The following EYA4 variants were observed in gnomAD, a reference collection of about 807,000 sequenced individuals.
EYA4 encodes protein phosphatase EYA4.
EYA4 carries 31 observed loss-of-function variants against 87.9 expected under a neutral mutation model. The ratio of observed to expected loss-of-function variants is 0.35; its 90% CI spans 0.27 to 0.48. The LOEUF is 0.48. Among genes scored for constraint, EYA4 ranks in the 20% least tolerant of loss-of-function variants. The probability of loss-of-function intolerance (pLI) is 0.99; values close to 1 mark genes in which losing one functional copy is unlikely to be tolerated. For synonymous variants in EYA4, 263 were observed against 270.6 expected, an observed-to-expected ratio of 0.97 and a Z score of 0.28; for missense variants, 678 against 761.4, an observed-to-expected ratio of 0.89 and a Z score of 1.29.
chr6:133,499,937 T>C (rs1797963247), intron 13 of EYA4, among the ~76,000 whole-genome samples: 1 of 151,910 alleles, frequency 6.6e-6, no homozygotes, highest in Admixed American at 6.6e-5. Flanking sequence ...CTGATTTTTC[T>C]TAACTATCCC....
At chr6:133,248,508 A>G (rs1428156621) in intron 1 of EYA4, 1 of 152,160 alleles carries the variant, frequency 6.6e-6, no homozygotes, top group African/African-American at 2.4e-5. Flanking sequence ...TATTCATTAC[A>G]TTTCACCTCT....
intron 2 of EYA4, among the ~76,000 whole-genome samples, chr6:133,313,725 C>A (rs1582926633): frequency 6.6e-6 from 1 of 152,054 alleles, no homozygotes; most frequent in East Asian, 1.9e-4. Context: ...TTAATAAATA[C>A]CTGCAGTAAT....
chr6:133,531,332 C>A lies in EYA4; in HGVS notation c.*2527C>A. ...CCATGGGACGTTGAGTATGCACAAA[C>A]TAGAACTCTTCCCTTCCCACCTTAG... On this transcript the variant is annotated 3_prime_UTR_variant, in exon 20 of 20. Transcript: ENST00000355286. 2 of 775,270 alleles carry A rather than the reference C, an allele frequency of 2.6e-6. No individual in the cohort carries two copies. The highest frequency in any genetic ancestry group is 4.2e-6 in the Non-Finnish European group (2 of 473,282). 48.0% of individuals were successfully genotyped at this position (775,270 alleles called of 1,614,324 possible).
chr6:133,453,524 T>A (rs1793643849), intron 5 of EYA4: 1 of 152,084 alleles, frequency 6.6e-6, no homozygotes, highest in Non-Finnish European at 1.5e-5. Flanking sequence ...AGCTTTCTAC[T>A]GCTGAAAAAA....
chr6:133,340,746 A>G (rs1214021400), intron 2 of EYA4, among the ~76,000 whole-genome samples: 1 of 152,188 alleles, frequency 6.6e-6, no homozygotes, highest in Non-Finnish European at 1.5e-5. Flanking sequence ...CTGTGGGCCA[A>G]TAAAGACCTT....
At chr6:133,324,389 G>A (rs950933020) in intron 2 of EYA4, among the ~76,000 whole-genome samples, 10 of 152,098 alleles carry the variant, frequency 6.6e-5, no homozygotes, top group African/African-American at 2.2e-4. Context: ...TAAACTTCTG[G>A]TTTTGTTGGT....
intron 3 of EYA4, among the ~76,000 whole-genome samples, chr6:133,443,292 A>T (rs1016180607): frequency 2.6e-5 from 4 of 151,946 alleles, no homozygotes; most frequent in Admixed American, 6.6e-5. Flanking sequence ...ATAAATATTT[A>T]ATTATAAATT....
At chr6:133,320,368 T>G (rs1478175127) in intron 2 of EYA4, among the ~76,000 whole-genome samples, 1 of 152,152 alleles carries the variant, frequency 6.6e-6, no homozygotes, top group Non-Finnish European at 1.5e-5. Context: ...TAGCATGTTA[T>G]AAATGCTCAC....
At chr6:133,404,148 A>G (rs1226338261) in intron 3 of EYA4, among the ~76,000 whole-genome samples, 1 of 152,126 alleles carries the variant, frequency 6.6e-6, no homozygotes, top group Non-Finnish European at 1.5e-5. Flanking sequence ...GTGTCTCAGG[A>G]ATTTAAGCCC....
intron 3 of EYA4, among the ~76,000 whole-genome samples, chr6:133,404,944 C>T (rs1788576135): frequency 1.3e-5 from 2 of 152,196 alleles, no homozygotes; most frequent in South Asian, 4.1e-4. Flanking sequence ...TCTACCCTGG[C>T]AGTACCCTGC....
chr6:133,295,696 A>G (rs747351774), intron 2 of EYA4, among the ~76,000 whole-genome samples: 42 of 152,334 alleles, frequency 2.8e-4, no homozygotes, highest in Non-Finnish European at 5.7e-4. Flanking sequence ...GCCCAAACTC[A>G]TATAGAAATT....
intron 2 of EYA4, among the ~76,000 whole-genome samples, chr6:133,357,953 AT>A (rs1249372161): frequency 1.2e-4 from 18 of 151,896 alleles, no homozygotes; most frequent in African/African-American, 4.3e-4. Flanking sequence ...AATTATCTAT[AT>A]TATCTATATC....
At chr6:133,393,608 A>G (rs569648819) in intron 3 of EYA4, among the ~76,000 whole-genome samples, 33 of 152,346 alleles carry the variant, frequency 2.2e-4, no homozygotes, top group Admixed American at 1.3e-4. Flanking sequence ...TGTGGCTAGA[A>G]TAGAGTGAGC....
At chr6:133,269,049 A>G (rs1182345260) in intron 1 of EYA4, among the ~76,000 whole-genome samples, 1 of 152,190 alleles carries the variant, frequency 6.6e-6, no homozygotes, top group African/African-American at 2.4e-5. Flanking sequence ...ACCTGAGGCC[A>G]GGGGTTCGAG....
intron 3 of EYA4, among the ~76,000 whole-genome samples, chr6:133,397,279 T>C (rs1375897549): frequency 6.6e-6 from 1 of 152,072 alleles, no homozygotes. Context: ...TTAGAAAGAG[T>C]CAATAAGCTC....
chr6:133,386,724 G>C (rs1786780692), intron 3 of EYA4, among the ~76,000 whole-genome samples: 2 of 152,158 alleles, frequency 1.3e-5, no homozygotes, highest in Admixed American at 1.3e-4. Flanking sequence ...AGTTAAGCCA[G>C]CTCTTGTCCT....
intron 6 of EYA4, among the ~76,000 whole-genome samples, chr6:133,458,339 C>T (rs558255347): frequency 1.3e-5 from 2 of 151,962 alleles, no homozygotes; most frequent in Non-Finnish European, 2.9e-5. Context: ...CGACTAGAGG[C>T]GTTAAGTTCT....
chr6:133,473,732 T>C (rs1000917256), intron 11 of EYA4, among the ~76,000 whole-genome samples: 27 of 152,070 alleles, frequency 1.8e-4, no homozygotes, highest in African/African-American at 6.5e-4. Flanking sequence ...GCTCTCTGTT[T>C]TGGCTTTTCA....
chr6:133,430,530 G>T (rs1189554400), intron 3 of EYA4, among the ~76,000 whole-genome samples: 1 of 152,056 alleles, frequency 6.6e-6, no homozygotes, highest in East Asian at 1.9e-4. Flanking sequence ...CATATTTAAG[G>T]ATGAAAAATA....
Sources: gnomAD v4.1 joint callset for allele counts (sites outside exome capture counted in the v4.1 genomes callset) on GRCh38, gnomAD v4.1.1 for gene constraint, MANE v1.5 for transcripts, NCBI Gene and HGNC (gene_info 2026-07-23, HGNC 2026-07-21) for gene names.